Variants in HOOK2 observed in about 807,000 individuals in gnomAD.
The protein encoded by HOOK2 is protein Hook homolog 2.
A neutral mutation model predicts 111.9 loss-of-function variants in HOOK2; 108 were observed. The ratio of observed to expected loss-of-function variants is 0.96; its 90% CI spans 0.83 to 1.13. The LOEUF (loss-of-function observed/expected upper bound fraction) is 1.13, where lower values mean the gene tolerates loss of function less well. Among genes scored for constraint, HOOK2 ranks in the 50% most tolerant of loss-of-function variants. The probability of loss-of-function intolerance (pLI) is 0.00; values close to 1 mark genes in which losing one functional copy is unlikely to be tolerated. For synonymous variants in HOOK2, 405 were observed against 394.3 expected (o/e 1.03, Z -0.32); for missense variants, 978 against 951.3 (o/e 1.03, Z -0.37).
Position 12,790,142 on chromosome 19 carries a change from G to A in HOOK2, n.42-15917C>T, listed in dbSNP as rs1968695328. On this transcript the variant is annotated intron_variant and non_coding_transcript_variant, in intron 3 of 3. Coordinates refer to the HOOK2 transcript ENST00000589765. This position sits in a 1 kb window ranked among gnomAD's most constrained non-coding sequence, Gnocchi z 7.2. ...ACCGCGGGCGGAACCATTGCTTGAG[G>A]GGAGAGGATGGTGGCTGGAGGCTGC... 6.6e-6 allele frequency among the ~76,000 whole-genome samples: 1 copy of A among 152,210 alleles called. No individual in the cohort carries two copies. The highest frequency in any genetic ancestry group is 1.5e-5 in the Non-Finnish European group (1 of 68,022).
chr19:12,782,245 C>G (rs982081728), upstream of HOOK2, among the ~76,000 whole-genome samples: 1 of 152,238 alleles, frequency 6.6e-6, no homozygotes, highest in Non-Finnish European at 1.5e-5. Context: ...ATCACAAACG[C>G]TATGTGACTG....
chr19:12,788,334 G>A (rs1388686654), intron 3 of HOOK2, among the ~76,000 whole-genome samples: 1 of 152,168 alleles, frequency 6.6e-6, no homozygotes, highest in African/African-American at 2.4e-5. Context: ...AGCAGTCGAT[G>A]ACTTATTTTA....
In HOOK2 at chr19:12,767,986, G is replaced by A. The variant is rs1443569375; in HGVS notation, c.1215+27C>T. The A allele has an allele frequency of 1.1e-5, 18 of 1,611,944 alleles. No homozygotes were observed. In the Admixed American group the frequency reaches 1.5e-4, roughly 13 times the overall value. ...GCTACCCCAGAATTGGCAGGGTGGG[G>A]CTTGGGCAGTGGAACCTCAGCCTCA... On this transcript the variant is annotated intron_variant, in intron 12 of 22. Transcript: ENST00000397668.
rs2145756742 is a variant in HOOK2, at chr19:12,771,200, C to T, written c.720G>A (p.Leu240=). 2 of 1,612,968 alleles carry T rather than the reference C, an allele frequency of 1.2e-6. No homozygotes were observed. The highest frequency in any genetic ancestry group is 2.2e-5 in the East Asian group (1 of 44,860). Residue 240 remains leucine, a synonymous_variant, in exon 9 of 23, where the codon CTG becomes CTA. Coordinates refer to ENST00000397668, the MANE Select transcript of HOOK2 (RefSeq NM_013312.3). ...GCAACTGCTCCAGCTGGGATTGCAG[C>T]AGCAGCAGCTTCTTGGCAGTGAGAC... The part of the protein sequence containing the change: ...TPGLTAKKLL[L]LQSQLEQLQE...
In HOOK2 at chr19:12,791,463, C is replaced by T. The variant is rs1391351583; in HGVS notation, n.42-17238G>A. On this transcript the variant is annotated intron_variant and non_coding_transcript_variant, in intron 3 of 3. Transcript: ENST00000589765. The surrounding 1 kb of genome is among the most constrained non-coding windows in gnomAD (Gnocchi z 7.0). ...GTGGCTGACTAGCGCGGTATAAAGG[C>T]GTGTGGCTCAGGCTGAGCGGCTGGG... 1 of 301,206 alleles carries T rather than the reference C, an allele frequency of 3.3e-6. No homozygotes were observed. Among genetic ancestry groups the T allele is most frequent in the African/African-American group, 2.2e-5 (1 of 45,326 alleles). 18.7% of individuals were successfully genotyped at this position (301,206 alleles called of 1,614,324 possible).
Position 12,764,983 on chromosome 19 carries a change from A to T in HOOK2, c.1723+16T>A. The T allele has an allele frequency of 6.2e-7, 1 of 1,614,014 alleles. No homozygotes were observed. The highest frequency in any genetic ancestry group is 8.5e-7 in the Non-Finnish European group (1 of 1,179,900). On this transcript the variant is annotated intron_variant, in intron 19 of 22. Coordinates refer to ENST00000397668, the MANE Select transcript of HOOK2 (RefSeq NM_013312.3). ...TCTGGGATCTCCCCACCCTCTGGTC[A>T]CTAGGTCCTACTTACTGCTGCTGTC...
Position 12,774,218 on chromosome 19 carries a change from G to A in HOOK2, c.204+451C>T, listed in dbSNP as rs554466319. ...CCTCCCAGGTTCAAGTGATTCTCAT[G>A]TCTCAGCCTCCCAAGTAACTGGGAT... On this transcript the variant is annotated intron_variant, in intron 3 of 22. Coordinates refer to ENST00000397668, the MANE Select transcript of HOOK2 (RefSeq NM_013312.3). 3.9e-5 allele frequency: 8 copies of A among 206,596 alleles called. No individual in the cohort carries two copies. The South Asian group carries it at 6.1e-4, about 16-fold the overall frequency. The allele number at this position is 206,596 out of a possible 1,614,324, so 12.8% of individuals were successfully genotyped here. A position where few individuals can be genotyped will look rare whatever the true frequency, so the allele number is the denominator to read the frequency against.
intron 11 of HOOK2, among the ~76,000 whole-genome samples, chr19:12,768,694 G>A (rs928251416): frequency 1.3e-5 from 2 of 151,748 alleles, no homozygotes; most frequent in African/African-American, 4.8e-5. Context: ...GGGTGTTCTC[G>A]AACTGCTGGC....
chr19:12,763,151 T>C lies in HOOK2; in HGVS notation c.*131A>G. On this transcript the variant is annotated 3_prime_UTR_variant, in exon 23 of 23. Coordinates refer to ENST00000397668, the MANE Select transcript of HOOK2 (RefSeq NM_013312.3). The stretch of plus-strand genomic sequence containing the variant: ...CTCCCGCCCTCCCTCCCCACCAATC[T>C]GGGAGAGGGAAGAGCAGAGATCATG... 2.1e-6 allele frequency: 1 copy of C among 482,692 alleles called. No individual in the cohort carries two copies. Among genetic ancestry groups the C allele is most frequent in the Non-Finnish European group, 3.8e-6 (1 of 265,350 alleles). The allele number at this position is 482,692 out of a possible 1,614,324, so 29.9% of individuals were successfully genotyped here. A position where few individuals can be genotyped will look rare whatever the true frequency, so the allele number is the denominator to read the frequency against.
upstream of HOOK2, among the ~76,000 whole-genome samples, chr19:12,783,317 C>A (rs1470534004): frequency 7.6e-6 from 1 of 131,562 alleles, no homozygotes; most frequent in Non-Finnish European, 1.8e-5. Context: ...CCCCCCCCAA[C>A]TCCGCCTCTG....
upstream of HOOK2, among the ~76,000 whole-genome samples, chr19:12,780,032 C>T (rs1216616958): frequency 6.6e-6 from 1 of 152,068 alleles, no homozygotes; most frequent in African/African-American, 2.4e-5. Context: ...CGCCTGTAAT[C>T]CCAGCTACTC....
At chr19:12,779,269 A>G (rs367641021), upstream of HOOK2, among the ~76,000 whole-genome samples, 1 of 151,702 alleles carries the variant, frequency 6.6e-6, no homozygotes, top group Admixed American at 6.6e-5. Context: ...TGCCCCCTCC[A>G]GCGTTCACAT....
rs1223560020 is a variant in HOOK2 at position 12,790,277 on chromosome 19, G to T, written n.42-16052C>A. Among the ~76,000 whole-genome samples the T allele has an allele frequency of 6.6e-6, 1 of 152,226 alleles. No individual in the cohort carries two copies. The highest frequency in any genetic ancestry group is 2.4e-5 in the African/African-American group (1 of 41,460). On this transcript the variant is annotated intron_variant and non_coding_transcript_variant, in intron 3 of 3. Coordinates refer to the HOOK2 transcript ENST00000589765. This position sits in a 1 kb window ranked among gnomAD's most constrained non-coding sequence, Gnocchi z 7.2. ...GACCCAGGGCGGGGCGCACGGTCCC[G>T]TAGGATCCGAGTGACGGAGACAGGG...
Position 12,764,805 on chromosome 19 carries a change from C to T in HOOK2, c.1827+9G>A, listed in dbSNP as rs762450824. The T allele has an allele frequency of 1.2e-6, 2 of 1,608,916 alleles. No individual in the cohort carries two copies. Among genetic ancestry groups the T allele is most frequent in the Non-Finnish European group, 1.7e-6 (2 of 1,176,766 alleles). On this transcript the variant is annotated intron_variant, in intron 20 of 22. Transcript: ENST00000397668. ...GCAGGCAACTTGTGGGAACACCCAG[C>T]GTCCTCACCATGCGGGCCTTGTCCA...
rs1305705551 is a variant in HOOK2 at position 12,770,035 on chromosome 19, C to A, written c.950G>T (p.Cys317Phe). 1 of 1,540,338 alleles carries A rather than the reference C, an allele frequency of 6.5e-7. No homozygotes were observed. ...AGQLEATLTS[C>F]RRRLGELREL... Reference sequence around the variant, plus strand: ...CCTCAGCTCGCCCAAGCGGCGCCGGCAACTGGTCAGCGTGGCCTCCAGCTG... The same window carrying A: ...CCTCAGCTCGCCCAAGCGGCGCCGGAAACTGGTCAGCGTGGCCTCCAGCTG... Residue 317 changes from cysteine (C) to phenylalanine (F), a missense_variant, in exon 11 of 23, where the codon TGC becomes TTC. Around this residue, in one of 5 missense-constraint regions of HOOK2, gnomAD observed 388 missense variants for 358.3 expected, o/e 1.08. Coordinates refer to ENST00000397668, the MANE Select transcript of HOOK2 (RefSeq NM_013312.3).
chr19:12,763,188 C>G lies in HOOK2; in HGVS notation c.*94G>C. 1 of 1,236,188 alleles carries G rather than the reference C, an allele frequency of 8.1e-7. No homozygotes were observed. The highest frequency in any genetic ancestry group is 1.1e-6 in the Non-Finnish European group (1 of 913,802). The allele number at this position is 1,236,188 out of a possible 1,614,324, so 76.6% of individuals were successfully genotyped here. A position where few individuals can be genotyped will look rare whatever the true frequency, so the allele number is the denominator to read the frequency against. ...GAGCAGAGATCATGGCCTCAAAGCT[C>G]TCGAGCACCTGGCTGAAGCCCAGTG... On this transcript the variant is annotated 3_prime_UTR_variant, in exon 23 of 23. Transcript: ENST00000397668.
chr19:12,783,337 A>ACCCCCC (rs1449131523), upstream of HOOK2, among the ~76,000 whole-genome samples: 1 of 96,712 alleles, frequency 1.0e-5, no homozygotes, highest in Admixed American at 1.1e-4. Flanking sequence ...GAATTGGTAG[A>ACCCCCC]CCCCCCACCC....
At chr19:12,768,205 G>A (rs1388193070) in intron 11 of HOOK2, 82 bp from the exon 12 acceptor site, 1 of 1,130,376 alleles carries the variant, frequency 8.8e-7, no homozygotes, top group East Asian at 2.4e-5. Context: ...CCCGATCCAG[G>A]ATGCTTTGAC....
At chr19:12,763,839 G>A in intron 20 of HOOK2, 61 bp from the exon 21 acceptor site, 3 of 1,119,022 alleles carry the variant, frequency 2.7e-6, no homozygotes, top group Non-Finnish European at 4.0e-6. Context: ...GGGACATACT[G>A]GGGTGTGTGT....
Sources: gnomAD v4.1 joint callset for allele counts (sites outside exome capture counted in the v4.1 genomes callset) on GRCh38, gnomAD v4.1.1 for gene constraint, gnomAD v4.1.1 regional missense constraint, Gnocchi (gnomAD v3.1) non-coding constraint, MANE v1.5 for transcripts, NCBI Gene and HGNC (gene_info 2026-07-23, HGNC 2026-07-21) for gene names.